The following ERAP1 variants were observed in gnomAD, a reference collection of about 807,000 sequenced individuals.
ERAP1 encodes adipocyte-derived leucine aminopeptidase.
In ERAP1, 86 loss-of-function variants were observed where a neutral mutation model predicts 103.7. That is an observed-to-expected ratio of 0.83 (90% confidence interval 0.70 to 0.99). ERAP1 has a LOEUF of 0.99. ERAP1 is among the 50% of genes least tolerant of loss of function. ERAP1 has a pLI of 0.00. For missense variants in ERAP1, 1,009 were observed against 1,128.4 expected, an observed-to-expected ratio of 0.89 and a Z score of 1.52; for synonymous variants, 398 against 402.4, an observed-to-expected ratio of 0.99 and a Z score of 0.13.
rs763741567 is a variant in ERAP1 at position 96,793,444 on chromosome 5, T to C, written c.1144A>G (p.Met382Val). Residue 382 changes from methionine to valine, a missense_variant, in exon 7 of 19, where the codon ATG becomes GTG. Met to Val is a conservative substitution (Grantham distance 21, BLOSUM62 1). Coordinates refer to ENST00000443439, the MANE Select transcript of ERAP1 (RefSeq NM_001040458.3). ...GTCACACTGACAGACACAAACTCCA[T>C]AAATTTGGCAAATCCTTCATTTAGC... ...LWLNEGFAKF[M>V]EFVSVSVTHP... The C allele has an allele frequency of 2.3e-5, 37 of 1,613,952 alleles. No individual in the cohort carries two copies. Among genetic ancestry groups the C allele is most frequent in the Non-Finnish European group, 3.1e-5 (36 of 1,179,902 alleles).
the ERAP1 span, among the ~76,000 whole-genome samples, chr5:96,888,163 AAAAAG>A: frequency 0.012 from 1,282 of 104,312 alleles, 24 homozygotes; most frequent in African/African-American, 0.045. Context: ...TAAAAGAAAA[AAAAAG>A]AAAAATCTGT....
At chr5:96,881,820 A>G in the ERAP1 span, among the ~76,000 whole-genome samples, 1 of 152,024 alleles carries the variant, frequency 6.6e-6, no homozygotes, top group Non-Finnish European at 1.5e-5. Context: ...TGAATCTAAC[A>G]CTCTTTACAA....
intron 19 of ERAP1, chr5:96,766,062 A>G: frequency 6.3e-7 from 1 of 1,595,864 alleles, no homozygotes; most frequent in Non-Finnish European, 8.6e-7. Context: ...GGAAAAAGCT[A>G]AAGCTGAACA....
Position 96,784,039 on chromosome 5 carries a change from A to G in ERAP1, c.1985T>C (p.Leu662Pro). 6.2e-7 allele frequency: 1 copy of G among 1,614,158 alleles called. No homozygotes were observed. ...AATTTCAGTTTCATGTTTCAAGTAC[A>G]GGGATAAATCCAAGGCCTTTTCAAT... ...LSIEKALDLS[L>P]YLKHETEIMP... is the part of the protein sequence containing the mutation. The change falls in exon 14 of 19, where the codon CTG (leucine) becomes CCG (proline). Residue 662 changes from leucine to proline, a missense_variant. Leu to Pro is a moderately conservative substitution (Grantham distance 98, BLOSUM62 -3). Coordinates refer to ENST00000443439, the MANE Select transcript of ERAP1 (RefSeq NM_001040458.3).
At chr5:96,906,109 T>C in the ERAP1 span, among the ~76,000 whole-genome samples, 1 of 151,992 alleles carries the variant, frequency 6.6e-6, no homozygotes, top group African/African-American at 2.4e-5. Flanking sequence ...TACTATTTAG[T>C]TCTTTAGTGG....
intron 11 of ERAP1, among the ~76,000 whole-genome samples, chr5:96,787,369 G>A (rs1274602376): frequency 1.3e-5 from 2 of 152,084 alleles, no homozygotes; most frequent in African/African-American, 4.8e-5. Context: ...GGGTACAAGC[G>A]ATTCTCCTGC....
chr5:96,891,923 A>G, the ERAP1 span, among the ~76,000 whole-genome samples: 246 of 152,310 alleles, frequency 1.6e-3, 1 homozygote, highest in African/African-American at 5.6e-3. Flanking sequence ...CATATTAGAA[A>G]TTATTTGATA....
chr5:96,811,010 G>A (rs922927009), upstream of ERAP1, among the ~76,000 whole-genome samples: 5 of 152,086 alleles, frequency 3.3e-5, no homozygotes, highest in Non-Finnish European at 4.4e-5. Flanking sequence ...AGTCAGCCTT[G>A]CCCACTGCTA....
the ERAP1 span, among the ~76,000 whole-genome samples, chr5:96,875,002 C>T: frequency 6.6e-6 from 1 of 152,224 alleles, no homozygotes. Context: ...ATGGTTCCCA[C>T]ACTAGGACTT....
At chr5:96,916,820 T>C in the ERAP1 span, among the ~76,000 whole-genome samples, 3 of 151,882 alleles carry the variant, frequency 2.0e-5, no homozygotes, top group African/African-American at 7.3e-5. Flanking sequence ...ACAATAAATC[T>C]TGAATTTATT....
chr5:96,770,524 G>C (rs375436558), downstream of ERAP1: 3 of 1,605,206 alleles, frequency 1.9e-6, no homozygotes, highest in Non-Finnish European at 1.7e-6. Context: ...CATTTCCTTT[G>C]CTTTAGGATA....
At chr5:96,898,866 A>T in the ERAP1 span, among the ~76,000 whole-genome samples, 1 of 152,130 alleles carries the variant, frequency 6.6e-6, no homozygotes, top group Non-Finnish European at 1.5e-5. Flanking sequence ...CTCAGCACCA[A>T]GTATTGTGTT....
In ERAP1 at chr5:96,803,953, C is replaced by T; in HGVS notation, c.-17-10G>A. 2 of 1,600,992 alleles carry T rather than the reference C, an allele frequency of 1.2e-6. No individual in the cohort carries two copies. The highest frequency in any genetic ancestry group is 1.7e-6 in the Non-Finnish European group (2 of 1,179,912). ...TTCTTGCTCTACCTACCTAGCGGCA[C>T]AAATGTACAAAAGCAAAAATATATG... On this transcript the variant is annotated splice_polypyrimidine_tract_variant and intron_variant, in intron 1 of 18. Coordinates refer to ENST00000443439, the MANE Select transcript of ERAP1 (RefSeq NM_001040458.3).
At chr5:96,781,287 A>G (rs1775131214) in intron 16 of ERAP1, 89 bp from the exon 17 acceptor site, 2 of 1,387,236 alleles carry the variant, frequency 1.4e-6, no homozygotes, top group East Asian at 4.6e-5. Flanking sequence ...TAAAAGAAAA[A>G]AAAGTCTGCC....
At chr5:96,785,675 A>G (rs1775898229) in intron 13 of ERAP1, 113 bp downstream of exon 13, 1 of 1,216,678 alleles carries the variant, frequency 8.2e-7, no homozygotes, top group South Asian at 1.3e-5. Context: ...TTAAAGGAAA[A>G]CACCTTTCAA....
the ERAP1 span, among the ~76,000 whole-genome samples, chr5:96,899,357 T>C: frequency 6.6e-6 from 1 of 152,216 alleles, no homozygotes; most frequent in Non-Finnish European, 1.5e-5. Context: ...AAGGGCCCTG[T>C]AGTATTAAAA....
In ERAP1 at chr5:96,793,452, G is replaced by A. The variant is rs1012146193; in HGVS notation, c.1136C>T (p.Ala379Val). 9 of 1,613,708 alleles carry A rather than the reference G, an allele frequency of 5.6e-6. No homozygotes were observed. The African/African-American group carries it at 1.1e-4, about 19-fold the overall frequency. Residue 379 changes from alanine (A) to valine (V), a missense_variant, in exon 7 of 19, where the codon GCC becomes GTC. This residue lies in a region of ERAP1 where 392 missense variants were observed against 455.2 expected (regional missense o/e 0.86). Coordinates refer to ENST00000443439, the MANE Select transcript of ERAP1 (RefSeq NM_001040458.3). ...GACAGACACAAACTCCATAAATTTG[G>A]CAAATCCTTCATTTAGCCAAAGATC... ...WNDLWLNEGF[A>V]KFMEFVSVSV...
rs1773747551 is a variant in ERAP1, at chr5:96,774,753, A to G, written c.*1643T>C. ...GGGGTGGAAATTACCAGTGATTTCT[A>G]TTTTTATTAAACCATTCACTACAAC... On this transcript the variant is annotated 3_prime_UTR_variant, in exon 19 of 19. Transcript: ENST00000443439. 1.0e-6 allele frequency: 1 copy of G among 983,998 alleles called. No individual in the cohort carries two copies. The highest frequency in any genetic ancestry group is 1.2e-6 in the Non-Finnish European group (1 of 828,480). 61.0% of individuals were successfully genotyped at this position (983,998 alleles called of 1,614,324 possible).
At chr5:96,763,385 A>C (rs1265235226) in intron 19 of ERAP1, among the ~76,000 whole-genome samples, 1 of 152,190 alleles carries the variant, frequency 6.6e-6, no homozygotes, top group Non-Finnish European at 1.5e-5. Context: ...TGTGTATGTA[A>C]ACACACCCAC....
Sources: gnomAD v4.1 joint callset for allele counts (sites outside exome capture counted in the v4.1 genomes callset) on GRCh38, gnomAD v4.1.1 for gene constraint, gnomAD v4.1.1 regional missense constraint, MANE v1.5 for transcripts, NCBI Gene and HGNC (gene_info 2026-07-23, HGNC 2026-07-21) for gene names.